Variants in MAEL observed in about 807,000 individuals in gnomAD.
MAEL encodes maelstrom spermatogenic transposon silencer.
Under a neutral mutation model 62.0 loss-of-function variants are expected in MAEL, and 46 were observed. That is an observed-to-expected ratio of 0.74 (90% CI 0.59 to 0.95). The LOEUF (loss-of-function observed/expected upper bound fraction) is 0.95, where lower values mean the gene tolerates loss of function less well. MAEL is among the 40% of genes least tolerant of loss of function. MAEL has a pLI of 0.00. For missense variants in MAEL, 497 were observed against 526.8 expected, an observed-to-expected ratio of 0.94 and a Z score of 0.55; for synonymous variants, 172 against 175.5, an observed-to-expected ratio of 0.98 and a Z score of 0.16.
At chr1:166,988,348 TAAAA>T (rs71073633), upstream of MAEL, among the ~76,000 whole-genome samples, 7,379 of 92,888 alleles carry the variant, frequency 0.079, 424 homozygotes, top group African/African-American at 0.2. Flanking sequence ...AGACCCTGTC[TAAAA>T]AAAAAAAAAA....
intron 5 of MAEL, among the ~76,000 whole-genome samples, chr1:167,002,855 GA>G (rs2102093226): frequency 6.6e-6 from 1 of 152,126 alleles, no homozygotes; most frequent in East Asian, 1.9e-4. Flanking sequence ...GAGTTTATTG[GA>G]AACTCTGTTC....
intron 1 of MAEL, among the ~76,000 whole-genome samples, chr1:166,982,707 A>G (rs750055182): frequency 6.6e-6 from 1 of 152,084 alleles, no homozygotes; most frequent in Non-Finnish European, 1.5e-5. Flanking sequence ...GTTTCCCCCA[A>G]TTTAGACAAA....
Position 167,020,221 on chromosome 1 carries a change from T to C in MAEL, c.1042-864T>C, listed in dbSNP as rs564942396. On this transcript the variant is annotated intron_variant, in intron 10 of 11. Transcript: ENST00000367872. ...CCTCCTTTACCACCTTTGTCTCTAC[T>C]CTTCACCTCCTTCCTTCCCAACTCA... is the stretch of plus-strand genomic sequence containing the variant. 2.3e-3 allele frequency among the ~76,000 whole-genome samples: 344 copies of C among 152,212 alleles called. 3 individuals are homozygous for C. Among genetic ancestry groups the C allele is most frequent in the African/African-American group, 7.9e-3 (328 of 41,544 alleles).
At chr1:166,977,844 T>C (rs1663640630) in intron 1 of MAEL, among the ~76,000 whole-genome samples, 1 of 152,144 alleles carries the variant, frequency 6.6e-6, no homozygotes, top group African/African-American at 2.4e-5. Flanking sequence ...CCAGCTACTC[T>C]GGAGGCTAAG....
At chr1:166,982,067 T>C (rs1571232625) in intron 1 of MAEL, among the ~76,000 whole-genome samples, 2 of 152,244 alleles carry the variant, frequency 1.3e-5, no homozygotes, top group East Asian at 3.9e-4. Flanking sequence ...TAACATCAAT[T>C]GAGAAAGACA....
At chr1:167,014,462 G>A (rs943998285) in intron 8 of MAEL, among the ~76,000 whole-genome samples, 2 of 152,140 alleles carry the variant, frequency 1.3e-5, no homozygotes, top group African/African-American at 4.8e-5. Context: ...CTTGGCCTCA[G>A]AATCTCCTGT....
intron 8 of MAEL, among the ~76,000 whole-genome samples, chr1:167,013,562 A>G (rs961547062): frequency 2.6e-5 from 4 of 152,144 alleles, no homozygotes; most frequent in African/African-American, 9.7e-5. Flanking sequence ...TTTCTACACA[A>G]TCTTCTATAT....
intron 5 of MAEL, among the ~76,000 whole-genome samples, chr1:166,998,511 A>C (rs908831020): frequency 6.6e-6 from 1 of 152,078 alleles, no homozygotes; most frequent in Non-Finnish European, 1.5e-5. Context: ...TGTTCTTTCT[A>C]ATCTACATAT....
At chr1:167,016,075 G>C in intron 8 of MAEL, 147 bp from the exon 9 acceptor site, 1 of 713,636 alleles carries the variant, frequency 1.4e-6, no homozygotes, top group Admixed American at 2.3e-5. Flanking sequence ...ATTAAAATCT[G>C]TTTTTTAAAA....
Position 167,021,700 on chromosome 1 carries a change from C to A in MAEL, c.1150C>A (p.Gln384Lys). 6.2e-7 allele frequency: 1 copy of A among 1,608,628 alleles called. No homozygotes were observed. Among genetic ancestry groups the A allele is most frequent in the Non-Finnish European group, 8.5e-7 (1 of 1,178,324 alleles). ...DYPSRAKISGQNSSVRGRGIT... is the reference protein window; with the variant it reads ...DYPSRAKISGKNSSVRGRGIT... ...CCCATCTAGGGCAAAAATTTCTGGC[C>A]AAAACAGCAGCGTTCGGGGAAGAGG... Residue 384 changes from glutamine to lysine, a missense_variant, in exon 12 of 12, where the codon CAA becomes AAA. Physicochemically the swap from Gln to Lys is moderately conservative, Grantham distance 53. Transcript: ENST00000367872.
intron 5 of MAEL, among the ~76,000 whole-genome samples, chr1:167,000,626 T>C (rs1331860314): frequency 1.3e-5 from 2 of 152,190 alleles, no homozygotes; most frequent in Admixed American, 6.5e-5. Flanking sequence ...TAAAATGTTA[T>C]CAAACAGTAT....
chr1:167,017,263 C>T (rs528140227), intron 9 of MAEL, among the ~76,000 whole-genome samples: 27 of 152,198 alleles, frequency 1.8e-4, no homozygotes, highest in Non-Finnish European at 2.6e-4. Context: ...ATATATGCAC[C>T]TACTATGTAC....
chr1:166,982,979 T>A (rs1035993533), intron 1 of MAEL, among the ~76,000 whole-genome samples: 1 of 152,236 alleles, frequency 6.6e-6, no homozygotes, highest in African/African-American at 2.4e-5. Context: ...CATTTCTTCA[T>A]ATAGGGCCTT....
At chr1:167,016,426 TA>T (rs1199298897) in intron 9 of MAEL, 142 bp downstream of exon 9, 6 of 699,444 alleles carry the variant, frequency 8.6e-6, no homozygotes, top group Non-Finnish European at 1.5e-5. Context: ...AAATCAAAAC[TA>T]CAGTGAGATA....
At chr1:167,017,557 G>T (rs946193752) in intron 9 of MAEL, among the ~76,000 whole-genome samples, 5 of 152,026 alleles carry the variant, frequency 3.3e-5, no homozygotes, top group African/African-American at 1.2e-4. Flanking sequence ...TAAACATTTG[G>T]GAATCCTGGT....
At chr1:166,989,245 G>A, upstream of MAEL, 1 of 1,412,964 alleles carries the variant, frequency 7.1e-7, no homozygotes, top group Non-Finnish European at 9.5e-7. Flanking sequence ...TTGGCCGAGA[G>A]TTGCGGGCTG....
chr1:166,976,654 C>A (rs1391812957), intron 1 of MAEL, among the ~76,000 whole-genome samples: 2 of 152,146 alleles, frequency 1.3e-5, no homozygotes, highest in Non-Finnish European at 2.9e-5. Context: ...CGAGGGCATT[C>A]TGGGCAGAGG....
chr1:166,988,458 T>C (rs1260125656), upstream of MAEL, among the ~76,000 whole-genome samples: 3 of 149,798 alleles, frequency 2.0e-5, no homozygotes. Context: ...TTAAAACATA[T>C]ACATACCCCA....
chr1:166,989,796 T>A lies in MAEL; in HGVS notation c.192T>A (p.Ala64=). Reference sequence around the variant, plus strand: ...AAATGGCTCGAGAATGGAGGGCCGCTCAGGGAAAGGACCCTGGGCCCTCAG... The same window carrying A: ...AAATGGCTCGAGAATGGAGGGCCGCACAGGGAAAGGACCCTGGGCCCTCAG... The part of the protein sequence containing the change: ...YAEMAREWRA[A]QGKDPGPSEK... Residue 64 remains alanine (A), a synonymous_variant, in exon 2 of 12, where the codon GCT becomes GCA. Coordinates refer to ENST00000367872, the MANE Select transcript of MAEL (RefSeq NM_032858.3). 6.2e-7 allele frequency: 1 copy of A among 1,613,906 alleles called. No homozygotes were observed. Among genetic ancestry groups the A allele is most frequent in the Non-Finnish European group, 8.5e-7 (1 of 1,179,960 alleles).
Sources: gnomAD v4.1 joint callset for allele counts (sites outside exome capture counted in the v4.1 genomes callset) on GRCh38, gnomAD v4.1.1 for gene constraint, MANE v1.5 for transcripts, NCBI Gene and HGNC (gene_info 2026-07-23, HGNC 2026-07-21) for gene names.